LZTR1: variants seen among roughly 807,000 people sequenced by gnomAD.
The protein encoded by LZTR1 is leucine zipper like post translational regulator 1.
Under a neutral mutation model 105.7 loss-of-function variants are expected in LZTR1, and 260 were observed. That is an observed-to-expected ratio of 2.46 (90% CI 2.22 to 2.72). LZTR1 has a LOEUF of 2.72. Ranked by LOEUF, LZTR1 falls within the 30% of genes most tolerant of loss-of-function variation. The pLI is 0.00. For missense variants in LZTR1, 1,214 were observed against 1,166.9 expected, an observed-to-expected ratio of 1.04 and a Z score of -0.59; for synonymous variants, 490 against 476.4, an observed-to-expected ratio of 1.03 and a Z score of -0.37.
In LZTR1 at chr22:20,987,596, T is replaced by C. The variant is rs762370783; in HGVS notation, c.400+13T>C. 6 of 1,613,470 alleles carry C rather than the reference T, an allele frequency of 3.7e-6. No individual in the cohort carries two copies. The highest frequency in any genetic ancestry group is 5.1e-6 in the Non-Finnish European group (6 of 1,179,394). On this transcript the variant is annotated intron_variant, in intron 4 of 20. Coordinates refer to ENST00000646124, the MANE Select transcript of LZTR1 (RefSeq NM_006767.4). The stretch of plus-strand genomic sequence containing the variant: ...ATGTTTGTCTTTGGTAAGCAGCCTC[T>C]TGCCTCCCAGGGGCTGTGTCGCCCC...
rs139097809 is a variant in LZTR1, at chr22:20,997,764, A to C, written c.*416A>C. 441 of 178,800 alleles carry C rather than the reference A, an allele frequency of 2.5e-3. 2 individuals carry two copies. The highest frequency in any genetic ancestry group is 9.6e-3 in the African/African-American group (404 of 42,240). The allele number at this position is 178,800 out of a possible 1,614,324, so 11.1% of individuals were successfully genotyped here. On this transcript the variant is annotated 3_prime_UTR_variant, in exon 21 of 21. Transcript: ENST00000646124. Reference sequence around the variant, plus strand: ...CAAGGCTCCTCCAACATGCGGGAGGAGGCTTAGCAGACTTGCGCTGCACCA... The same window carrying C: ...CAAGGCTCCTCCAACATGCGGGAGGCGGCTTAGCAGACTTGCGCTGCACCA...
intron 1 of LZTR1, 23 bp from the exon 2 acceptor site, chr22:20,983,004 G>A (rs768077844): frequency 1.2e-6 from 2 of 1,611,246 alleles, no homozygotes; most frequent in South Asian, 1.1e-5. Context: ...TGTCCTTACC[G>A]CCCTCCACTC....
At chr22:20,988,927 C>T in intron 6 of LZTR1, 55 bp downstream of exon 6, 1 of 1,501,338 alleles carries the variant, frequency 6.7e-7, no homozygotes. Flanking sequence ...AGACCCGGAG[C>T]AGGCCGTCCT....
At chr22:20,993,047 G>A in intron 11 of LZTR1, 143 bp downstream of exon 11, 1 of 639,340 alleles carries the variant, frequency 1.6e-6, no homozygotes, top group South Asian at 2.0e-5. Context: ...GAGGAGCCCT[G>A]TGGGCTGAGG....
chr22:20,993,404 C>T lies in LZTR1; in HGVS notation c.1261-258C>T, dbSNP rs571518145. ...CAGAGCTCTGCTGAGGCCTGGGGCC[C>T]AGCCGAAGGCAAGAGAGGCAGGGGA... On this transcript the variant is annotated intron_variant, in intron 11 of 20. Coordinates refer to ENST00000646124, the MANE Select transcript of LZTR1 (RefSeq NM_006767.4). 8.2e-5 allele frequency: 47 copies of T among 569,870 alleles called. No individual in the cohort carries two copies. In the East Asian group the frequency reaches 1.3e-3, roughly 16 times the overall value. The allele number at this position is 569,870 out of a possible 1,614,324, so 35.3% of individuals were successfully genotyped here. A position where few individuals can be genotyped will look rare whatever the true frequency, so the allele number is the denominator to read the frequency against.
intron 11 of LZTR1, among the ~76,000 whole-genome samples, chr22:20,993,190 A>T (rs1205920434): frequency 6.6e-6 from 1 of 152,242 alleles, no homozygotes. Flanking sequence ...CAGGCATCAT[A>T]GCCTGGCCCA....
intron 16 of LZTR1, 194 bp from the exon 17 acceptor site, chr22:20,995,552 T>TA: frequency 1.3e-6 from 1 of 746,168 alleles, no homozygotes; most frequent in Non-Finnish European, 2.4e-6. Context: ...GCGTGGGGCA[T>TA]AGTGCTTGAG....
chr22:20,992,196 T>C lies in LZTR1; in HGVS notation c.994-18T>C, dbSNP rs112544. 1,197,569 of 1,608,438 alleles carry C rather than the reference T, an allele frequency of 0.74. 448,925 individuals are homozygous for C. The highest frequency in any genetic ancestry group is 0.77 in the Non-Finnish European group (909,707 of 1,176,680). On this transcript the variant is annotated intron_variant, in intron 9 of 20. Coordinates refer to ENST00000646124, the MANE Select transcript of LZTR1 (RefSeq NM_006767.4). ...CCCTTGCCAACTGGTCTCATGCCCA[T>C]GTGTCTCCCCTCTTCAGGTTGGTGG...
At chr22:20,984,054 G>A (rs567406749) in intron 2 of LZTR1, among the ~76,000 whole-genome samples, 1 of 152,290 alleles carries the variant, frequency 6.6e-6, no homozygotes, top group Admixed American at 6.5e-5. Flanking sequence ...CCCCTGCTCA[G>A]GCCCTTGCAC....
In LZTR1 at chr22:20,988,874, TG is replaced by T; in HGVS notation, c.593+5del. 6.2e-7 allele frequency: 1 copy of T among 1,613,562 alleles called. No individual in the cohort carries two copies. Among genetic ancestry groups the T allele is most frequent in the African/African-American group, 1.3e-5 (1 of 74,998 alleles). The stretch of plus-strand genomic sequence containing the variant: ...TGCTGGCTATGACGGCAACGCCAGG[TG>T]GGTGGTGGTCCGGCCTGTGCACCCC... On this transcript the variant is annotated splice_donor_region_variant and intron_variant, in intron 6 of 20. Coordinates refer to ENST00000646124, the MANE Select transcript of LZTR1 (RefSeq NM_006767.4).
At chr22:20,987,370 C>CA (rs1359921914) in intron 3 of LZTR1, 134 bp from the exon 4 acceptor site, 2 of 592,172 alleles carry the variant, frequency 3.4e-6, no homozygotes, top group East Asian at 5.6e-5. Context: ...GCCGGGACGA[C>CA]AGAGAGAGAC....
chr22:20,990,278 C>T, intron 7 of LZTR1, 108 bp from the exon 8 acceptor site: 1 of 1,256,814 alleles, frequency 8.0e-7, no homozygotes. Flanking sequence ...GAATCCTCAT[C>T]TGGGGAAGTT....
chr22:20,994,319 C>T (rs367715484), intron 14 of LZTR1, 50 bp downstream of exon 14: 13 of 1,568,682 alleles, frequency 8.3e-6, no homozygotes, highest in Non-Finnish European at 1.1e-5. Flanking sequence ...GGGGTGCGGG[C>T]AGCAGAGCCA....
At chr22:20,997,157 C>T in intron 20 of LZTR1, 75 bp from the exon 21 acceptor site, 1 of 1,176,050 alleles carries the variant, frequency 8.5e-7, no homozygotes. Flanking sequence ...AGGGTAGGCC[C>T]CACAGGGCTC....
chr22:20,995,701 C>T (rs1382739447), intron 16 of LZTR1, 45 bp from the exon 17 acceptor site: 2 of 1,609,396 alleles, frequency 1.2e-6, no homozygotes, highest in Non-Finnish European at 1.7e-6. Flanking sequence ...GGCCCCAAGG[C>T]CAGAATCCCA....
intron 16 of LZTR1, 110 bp from the exon 17 acceptor site, chr22:20,995,636 G>A (rs2147969108): frequency 2.2e-6 from 3 of 1,363,576 alleles, no homozygotes; most frequent in East Asian, 2.3e-5. Context: ...CTGCCTGGGT[G>A]AAGTTTTGTT....
intron 7 of LZTR1, among the ~76,000 whole-genome samples, 178 bp downstream of exon 7, chr22:20,989,860 C>T (rs1396232530): frequency 6.6e-6 from 1 of 152,118 alleles, no homozygotes; most frequent in African/African-American, 2.4e-5. Context: ...AGCCCAGCCT[C>T]GACCTGAGCC....
In LZTR1 at chr22:20,991,691, C is replaced by A. The variant is rs140612093; in HGVS notation, c.855C>A (p.Tyr285Ter). 6.2e-7 allele frequency: 1 copy of A among 1,603,176 alleles called. No individual in the cohort carries two copies. Among genetic ancestry groups the A allele is most frequent in the Non-Finnish European group, 8.5e-7 (1 of 1,176,380 alleles). ...RGSPPPPQRR[Y>*]GHTMVAFDRH... ...CCCCACCACCCCCGCAGCGGCGCTA[C>A]GGGCATACCATGGTGGCCTTTGACC... is the stretch of plus-strand genomic sequence containing the variant. Residue 285 changes from tyrosine to a stop codon, truncating the protein, a stop_gained, in exon 9 of 21, where the codon TAC becomes TAA. Coordinates refer to ENST00000646124, the MANE Select transcript of LZTR1 (RefSeq NM_006767.4). LOFTEE classifies it high-confidence loss of function.
chr22:20,995,014 C>T lies in LZTR1; in HGVS notation c.1930C>T (p.Pro644Ser). The change falls in exon 16 of 21, where the codon CCA becomes TCA. Residue 644 changes from proline to serine, a missense_variant. Transcript: ENST00000646124. Reference sequence around the variant, plus strand: ...GCCCCCTCGCACTCCCTTGGACCAGCCAGTGGACATTGGTAGGGAGCCCCG... The same window carrying T: ...GCCCCCTCGCACTCCCTTGGACCAGTCAGTGGACATTGGTAGGGAGCCCCG... Reference protein sequence around the residue: ...QPPPRTPLDQPVDIGTSLIQD... With the variant: ...QPPPRTPLDQSVDIGTSLIQD... 1 of 1,609,732 alleles carries T rather than the reference C, an allele frequency of 6.2e-7. No homozygotes were observed. Among genetic ancestry groups the T allele is most frequent in the Non-Finnish European group, 8.5e-7 (1 of 1,178,114 alleles).
Sources: gnomAD v4.1 joint callset for allele counts (sites outside exome capture counted in the v4.1 genomes callset) on GRCh38, gnomAD v4.1.1 for gene constraint, MANE v1.5 for transcripts, NCBI Gene and HGNC (gene_info 2026-07-23, HGNC 2026-07-21) for gene names.